ZNF653: variants seen among roughly 807,000 people sequenced by gnomAD.
ZNF653 encodes zinc finger protein 653.
In ZNF653, 37 loss-of-function variants were observed where a neutral mutation model predicts 59.9. That is an observed-to-expected ratio of 0.62 (90% CI 0.48 to 0.81). The LOEUF (loss-of-function observed/expected upper bound fraction) is 0.81, where lower values mean the gene tolerates loss of function less well. Among genes scored for constraint, ZNF653 ranks in the 40% least tolerant of loss-of-function variants. ZNF653 has a pLI of 0.00. For missense variants in ZNF653, 808 were observed against 881.1 expected, an observed-to-expected ratio of 0.92 and a Z score of 1.05; for synonymous variants, 435 against 371.8, an observed-to-expected ratio of 1.17 and a Z score of -1.96.
chr19:11,505,708 C>G lies in ZNF653; in HGVS notation c.79G>C (p.Gly27Arg). Reference sequence around the variant, plus strand: ...CCCCGCGCCTTTCGGCCCGCTGCGCCCTCCTCGGCTGCTGCCTCCCCGCCC... The same window carrying G: ...CCCCGCGCCTTTCGGCCCGCTGCGCGCTCCTCGGCTGCTGCCTCCCCGCCC... The part of the protein sequence containing the change: ...GAGGEAAAEE[G>R]AAGRKARGRP... The change falls in exon 1 of 9, where the codon GGC becomes CGC. Residue 27 changes from glycine (G) to arginine (R), a missense_variant. Physicochemically the swap from Gly to Arg is moderately radical, Grantham distance 125. Transcript: ENST00000293771. 2 of 1,479,352 alleles carry G rather than the reference C, an allele frequency of 1.4e-6. No homozygotes were observed. Among genetic ancestry groups the G allele is most frequent in the Non-Finnish European group, 8.9e-7 (1 of 1,124,364 alleles). 91.6% of individuals were successfully genotyped at this position (1,479,352 alleles called of 1,614,324 possible).
In ZNF653 at chr19:11,487,983, T is replaced by TTTATTTATTTATTTAC. The variant is rs1971489238; in HGVS notation, c.560-81_560-80insGTAAATAAATAAATAA. 1 of 1,135,652 alleles carries TTTATTTATTTATTTAC rather than the reference T, an allele frequency of 8.8e-7. No individual in the cohort carries two copies. The highest frequency in any genetic ancestry group is 2.2e-5 in the African/African-American group (1 of 46,300). The allele number at this position is 1,135,652 out of a possible 1,614,324, so 70.3% of individuals were successfully genotyped here. A position where few individuals can be genotyped will look rare whatever the true frequency, so the allele number is the denominator to read the frequency against. The stretch of plus-strand genomic sequence containing the variant: ...TTTATTTAGTTTTTATTTTATTTTA[T>TTTATTTATTTATTTAC]TTATTTATTTATTTATTTTTTTGAG... On this transcript the variant is annotated intron_variant, in intron 3 of 8. Coordinates refer to ENST00000293771, the MANE Select transcript of ZNF653 (RefSeq NM_138783.4). This position sits in a 1 kb window ranked among gnomAD's most constrained non-coding sequence, Gnocchi z 5.1.
At chr19:11,501,318 A>G (rs1971642117) in intron 1 of ZNF653, among the ~76,000 whole-genome samples, 1 of 151,896 alleles carries the variant, frequency 6.6e-6, no homozygotes, top group Non-Finnish European at 1.5e-5. Context: ...AGCTGGGACC[A>G]CAGGCATGCA....
In ZNF653 at chr19:11,483,517, G is replaced by C. The variant is rs1394424668; in HGVS notation, c.*165C>G. The C allele has an allele frequency of 4.3e-6, 6 of 1,403,720 alleles. No individual in the cohort carries two copies. The highest frequency in any genetic ancestry group is 1.6e-5 in the South Asian group (1 of 64,144). 87.0% of individuals were successfully genotyped at this position (1,403,720 alleles called of 1,614,324 possible). ...CACCAGCTCCGAGAAGGATGCGGTG[G>C]GGCGGGGTGGGGAACCTGCCCAGGG... On this transcript the variant is annotated 3_prime_UTR_variant, in exon 9 of 9. Coordinates refer to ENST00000293771, the MANE Select transcript of ZNF653 (RefSeq NM_138783.4).
At chr19:11,501,921 C>CAA (rs1555737840) in intron 1 of ZNF653, among the ~76,000 whole-genome samples, 3 of 151,096 alleles carry the variant, frequency 2.0e-5, no homozygotes, top group African/African-American at 4.9e-5. Flanking sequence ...CAGCCTCCTG[C>CAA]GTAGCTGGGA....
chr19:11,492,048 ATATTT>A (rs893175212), intron 3 of ZNF653, among the ~76,000 whole-genome samples: 5 of 151,266 alleles, frequency 3.3e-5, no homozygotes, highest in East Asian at 3.9e-4. Context: ...AGTGCACTCT[ATATTT>A]TATTTTATTT....
chr19:11,497,739 C>G (rs750685272), intron 2 of ZNF653, among the ~76,000 whole-genome samples: 15 of 152,184 alleles, frequency 9.9e-5, no homozygotes, highest in African/African-American at 3.4e-4. Context: ...ATGAGGGCAA[C>G]AGAGTCGTCA....
intron 3 of ZNF653, among the ~76,000 whole-genome samples, chr19:11,494,405 A>C (rs1353109560): frequency 6.6e-6 from 1 of 150,944 alleles, no homozygotes; most frequent in African/African-American, 2.5e-5. Flanking sequence ...ATAACATAAC[A>C]TAAGGCCGGG....
rs539239124 is a variant in ZNF653, at chr19:11,487,965, A to C, written c.560-62T>G. On this transcript the variant is annotated intron_variant, in intron 3 of 8. Transcript: ENST00000293771. This position sits in a 1 kb window ranked among gnomAD's most constrained non-coding sequence, Gnocchi z 5.1. ...TGCAGCCACTGGTATTTGTTTATTT[A>C]GTTTTTATTTTATTTTATTTATTTA... 60 of 1,240,392 alleles carry C rather than the reference A, an allele frequency of 4.8e-5. No homozygotes were observed. The African/African-American group carries it at 8.8e-4, about 18-fold the overall frequency. The allele number at this position is 1,240,392 out of a possible 1,614,324, so 76.8% of individuals were successfully genotyped here.
chr19:11,505,433 C>T, intron 1 of ZNF653, 55 bp downstream of exon 1: 1 of 1,373,900 alleles, frequency 7.3e-7, no homozygotes, highest in South Asian at 1.6e-5. Flanking sequence ...GGGTAAAGCC[C>T]GGCGGGGTCT....
rs181465299 is a variant in ZNF653, at chr19:11,485,802, T to C, written c.1456-32A>G. On this transcript the variant is annotated intron_variant, in intron 6 of 8. Transcript: ENST00000293771. ...ACGAGACAGGCAGAAGTGGGTCCCATAGGCCCACAGAAGGGGCTCTGGGAG... is the reference window on the plus strand; with the variant it reads ...ACGAGACAGGCAGAAGTGGGTCCCACAGGCCCACAGAAGGGGCTCTGGGAG... 222 of 1,550,974 alleles carry C rather than the reference T, an allele frequency of 1.4e-4. No individual in the cohort carries two copies. In the African/African-American group the frequency reaches 1.7e-3, roughly 12 times the overall value.
chr19:11,487,044 T>A lies in ZNF653; in HGVS notation c.1286A>T (p.Glu429Val). ...GGCTGACATGTCGCTGCCGTCCAGC[T>A]CCTCCCCGTCCGCCTCTGCCTCAGG... ...AEPEAEADGE[E>V]LDGSDMSAII... Residue 429 changes from glutamate (E) to valine (V), a missense_variant, in exon 5 of 9, where the codon GAG becomes GTG. Coordinates refer to ENST00000293771, the MANE Select transcript of ZNF653 (RefSeq NM_138783.4). This position sits in a 1 kb window ranked among gnomAD's most constrained non-coding sequence, Gnocchi z 5.1. The A allele has an allele frequency of 2.5e-6, 4 of 1,614,064 alleles. No homozygotes were observed. In the South Asian group the frequency reaches 4.4e-5, roughly 18 times the overall value.
At position 11,505,793 on chromosome 19, in the gene ZNF653, C is replaced by G. The variant is rs1313121555; in HGVS notation, c.-7G>C. Reference sequence around the variant, plus strand: ...CTAGCGCCCGCTCCGCCATCCCCCCCACCCTGGTTACCAGCCTCCCCCGTT... The same window carrying G: ...CTAGCGCCCGCTCCGCCATCCCCCCGACCCTGGTTACCAGCCTCCCCCGTT... On this transcript the variant is annotated 5_prime_UTR_variant, in exon 1 of 9. Transcript: ENST00000293771. The G allele has an allele frequency of 2.1e-5, 29 of 1,396,236 alleles. No individual in the cohort carries two copies. The highest frequency in any genetic ancestry group is 1.5e-4 in the East Asian group (5 of 34,060). The allele number at this position is 1,396,236 out of a possible 1,614,324, so 86.5% of individuals were successfully genotyped here.
intron 7 of ZNF653, among the ~76,000 whole-genome samples, chr19:11,485,140 C>A (rs1160770205): frequency 6.6e-6 from 1 of 152,048 alleles, no homozygotes; most frequent in Non-Finnish European, 1.5e-5. Flanking sequence ...GCCCTCAGGG[C>A]ATGCCCTATC....
intron 3 of ZNF653, among the ~76,000 whole-genome samples, chr19:11,494,603 T>A (rs1971565326): frequency 6.6e-6 from 1 of 152,084 alleles, no homozygotes; most frequent in African/African-American, 2.4e-5. Context: ...GGAAGGAGAA[T>A]GGCTGGAACC....
At chr19:11,492,975 A>G (rs190249316) in intron 3 of ZNF653, among the ~76,000 whole-genome samples, 1 of 151,594 alleles carries the variant, frequency 6.6e-6, no homozygotes, top group African/African-American at 2.4e-5. Context: ...TCGAACTTCT[A>G]GCCTCAAGTG....
rs749802000 is a variant in ZNF653, at chr19:11,486,789, C to G, written c.1435G>C (p.Val479Leu). The G allele has an allele frequency of 6.2e-7, 1 of 1,609,268 alleles. No individual in the cohort carries two copies. The highest frequency in any genetic ancestry group is 8.5e-7 in the Non-Finnish European group (1 of 1,178,060). Residue 479 changes from valine (V) to leucine (L), a missense_variant, in exon 6 of 9, where the codon GTG becomes CTG. Coordinates refer to ENST00000293771, the MANE Select transcript of ZNF653 (RefSeq NM_138783.4). Reference sequence around the variant, plus strand: ...CTCACCTGGAAGCTGCTGAGGGCCACGTAGACTTGGCTGCAGCCCTCGTAT... The same window carrying G: ...CTCACCTGGAAGCTGCTGAGGGCCAGGTAGACTTGGCTGCAGCCCTCGTAT... The part of the protein sequence containing the change: ...CPYEGCSQVY[V>L]ALSSFQNHVN...
chr19:11,495,699 T>C lies in ZNF653; in HGVS notation c.559+251A>G. On this transcript the variant is annotated intron_variant, in intron 3 of 8. Coordinates refer to ENST00000293771, the MANE Select transcript of ZNF653 (RefSeq NM_138783.4). The surrounding 1 kb of genome is among the most constrained non-coding windows in gnomAD (Gnocchi z 4.9). ...GCCCTCAGCCAGCCCTGCCTGGGAC[T>C]GGCCTTGGGCACAGATTGGCAAACT... 2 of 501,010 alleles carry C rather than the reference T, an allele frequency of 4.0e-6. No homozygotes were observed. The highest frequency in any genetic ancestry group is 4.2e-5 in the South Asian group (2 of 47,902). The allele number at this position is 501,010 out of a possible 1,614,324, so 31.0% of individuals were successfully genotyped here. A position where few individuals can be genotyped will look rare whatever the true frequency, so the allele number is the denominator to read the frequency against.
At position 11,487,471 on chromosome 19, in the gene ZNF653, G is replaced by A. The variant is rs756902118; in HGVS notation, c.992C>T (p.Thr331Met). 9.9e-6 allele frequency: 16 copies of A among 1,613,422 alleles called. No individual in the cohort carries two copies. The highest frequency in any genetic ancestry group is 2.2e-5 in the South Asian group (2 of 91,088). ...IIAGPGYDAL[T>M]AEGIHLNMAA... ...CATGTTGAGGTGAATGCCCTCGGCC[G>A]TGAGAGCGTCGTAACCAGGGCCCGC... The change falls in exon 4 of 9, where the codon ACG becomes ATG. Residue 331 changes from threonine (T) to methionine (M), a missense_variant. Physicochemically the swap from Thr to Met is moderately conservative, Grantham distance 81. Coordinates refer to ENST00000293771, the MANE Select transcript of ZNF653 (RefSeq NM_138783.4). This position sits in a 1 kb window ranked among gnomAD's most constrained non-coding sequence, Gnocchi z 5.1.
At chr19:11,486,728 C>T in intron 6 of ZNF653, 41 bp downstream of exon 6, 1 of 1,533,556 alleles carries the variant, frequency 6.5e-7, no homozygotes, top group Non-Finnish European at 8.9e-7. Context: ...TGGCCTGGGC[C>T]TTGTGGGCCT....
Sources: allele counts gnomAD v4.1 joint callset (sites outside exome capture counted in the v4.1 genomes callset), GRCh38; gene constraint gnomAD v4.1.1; non-coding constraint Gnocchi (gnomAD v3.1); transcripts MANE v1.5; gene names NCBI Gene and HGNC (gene_info 2026-07-23, HGNC 2026-07-21).